The following PIGK variants were observed in gnomAD, a reference collection of about 807,000 sequenced individuals.
PIGK encodes GPI-anchor transamidase.
PIGK carries 42 observed loss-of-function variants against 50.6 expected under a neutral mutation model. That is an observed-to-expected ratio of 0.83 (90% confidence interval 0.65 to 1.07). PIGK has a LOEUF of 1.07. PIGK is among the 50% of genes least tolerant of loss of function. PIGK has a pLI of 0.00. For synonymous variants in PIGK, 151 were observed against 156.0 expected, an observed-to-expected ratio of 0.97 and a Z score of 0.24; for missense variants, 448 against 488.7, an observed-to-expected ratio of 0.92 and a Z score of 0.78.
chr1:77,143,290 T>C (rs1654696805), intron 9 of PIGK, among the ~76,000 whole-genome samples: 2 of 152,144 alleles, frequency 1.3e-5, no homozygotes, highest in Admixed American at 1.3e-4. Flanking sequence ...TGGAAACTAA[T>C]ATCTAAAAAT....
At chr1:77,173,443 T>TGTGATGCAGTTTGGCCCCCA (rs1655411268) in intron 3 of PIGK, among the ~76,000 whole-genome samples, 1 of 152,158 alleles carries the variant, frequency 6.6e-6, no homozygotes, top group Non-Finnish European at 1.5e-5. Flanking sequence ...TATTTTCCTT[T>TGTGATGCAGTTTGGCCCCCA]GTGATGCAGT....
chr1:77,169,673 G>A (rs1655316474), intron 3 of PIGK, among the ~76,000 whole-genome samples: 1 of 151,808 alleles, frequency 6.6e-6, no homozygotes, highest in African/African-American at 2.4e-5. Context: ...TAGAGAAATT[G>A]GCGCAATCTG....
At chr1:77,174,023 G>A (rs897083087) in intron 3 of PIGK, among the ~76,000 whole-genome samples, 37 of 152,188 alleles carry the variant, frequency 2.4e-4, no homozygotes, top group Admixed American at 2.3e-3. Context: ...AGACTTCTAG[G>A]AAGAGCAATG....
intron 1 of PIGK, among the ~76,000 whole-genome samples, chr1:77,214,819 T>G (rs1656514277): frequency 6.6e-6 from 1 of 152,014 alleles, no homozygotes; most frequent in Admixed American, 6.6e-5. Context: ...GACTCAAAAA[T>G]CAATAGACAA....
At chr1:77,141,911 G>T (rs1262903645) in intron 9 of PIGK, among the ~76,000 whole-genome samples, 3 of 151,808 alleles carry the variant, frequency 2.0e-5, no homozygotes, top group Non-Finnish European at 4.4e-5. Context: ...CCCAAAATTG[G>T]TATCCAACAT....
intron 9 of PIGK, among the ~76,000 whole-genome samples, chr1:77,140,775 C>G (rs1408279928): frequency 6.6e-6 from 1 of 152,070 alleles, no homozygotes. Flanking sequence ...TTAGAAGATA[C>G]GTATCAGTGT....
chr1:77,194,648 T>TGGGGGGGGGGGGGGG (rs1655989237), intron 3 of PIGK, among the ~76,000 whole-genome samples: 1 of 68,340 alleles, frequency 1.5e-5, no homozygotes, highest in Non-Finnish European at 3.0e-5. Context: ...GGGTGGAGGG[T>TGGGGGGGGGGGGGGG]GGGGGGAGGG....
chr1:77,172,070 A>ATTTTTT (rs34115617), intron 3 of PIGK, among the ~76,000 whole-genome samples: 3 of 130,920 alleles, frequency 2.3e-5, no homozygotes, highest in African/African-American at 2.9e-5. Flanking sequence ...TCTACATTTA[A>ATTTTTT]TTTTTTTTTT....
intron 9 of PIGK, among the ~76,000 whole-genome samples, chr1:77,130,582 A>C (rs1654351603): frequency 6.6e-6 from 1 of 152,138 alleles, no homozygotes; most frequent in Non-Finnish European, 1.5e-5. Context: ...ATCTGAACCA[A>C]TATCACATTA....
chr1:77,149,835 A>T (rs1039758022), intron 9 of PIGK, among the ~76,000 whole-genome samples: 6 of 152,172 alleles, frequency 3.9e-5, no homozygotes, highest in Non-Finnish European at 8.8e-5. Flanking sequence ...AGGATAGACC[A>T]TATGTTAGGT....
chr1:77,166,420 C>T (rs866982820), intron 5 of PIGK, among the ~76,000 whole-genome samples: 4 of 152,082 alleles, frequency 2.6e-5, no homozygotes, highest in African/African-American at 9.7e-5. Flanking sequence ...GACACTTTCA[C>T]AGGATGATTA....
At chr1:77,109,631 A>C (rs1046053843) in intron 10 of PIGK, among the ~76,000 whole-genome samples, 2 of 152,236 alleles carry the variant, frequency 1.3e-5, no homozygotes, top group African/African-American at 4.8e-5. Flanking sequence ...AGAGCTATTT[A>C]TGACAAACCC....
At chr1:77,206,532 T>G (rs544740970) in intron 3 of PIGK, 108 bp downstream of exon 3, 1 of 664,826 alleles carries the variant, frequency 1.5e-6, no homozygotes, top group African/African-American at 1.8e-5. Flanking sequence ...CAAATCAGAT[T>G]TTTTTTTTTA....
intron 2 of PIGK, among the ~76,000 whole-genome samples, chr1:77,209,898 T>C (rs890770615): frequency 6.6e-6 from 1 of 152,058 alleles, no homozygotes; most frequent in Non-Finnish European, 1.5e-5. Context: ...GCTTGAACAA[T>C]GCTCACCAAA....
chr1:77,090,329 A>G lies in PIGK; in HGVS notation c.*2045T>C, dbSNP rs1300845871. Reference sequence around the variant, plus strand: ...GATTTAGTTATTATGAAGGCAGAGTATGCTCTATGTAAAAAGATTATGGTT... The same window carrying G: ...GATTTAGTTATTATGAAGGCAGAGTGTGCTCTATGTAAAAAGATTATGGTT... On this transcript the variant is annotated 3_prime_UTR_variant, in exon 11 of 11. Coordinates refer to ENST00000370812, the MANE Select transcript of PIGK (RefSeq NM_005482.3). The G allele has an allele frequency of 6.6e-6, 1 of 152,236 alleles. No homozygotes were observed. Among genetic ancestry groups the G allele is most frequent in the Non-Finnish European group, 1.5e-5 (1 of 68,040 alleles). 9.4% of individuals were successfully genotyped at this position (152,236 alleles called of 1,614,324 possible).
At position 77,089,529 on chromosome 1, in the gene PIGK, AGTAACT is replaced by A. The variant is rs1194877625; in HGVS notation, c.*2839_*2844del. The A allele has an allele frequency of 6.5e-6, 1 of 152,672 alleles. No individual in the cohort carries two copies. The highest frequency in any genetic ancestry group is 1.5e-5 in the Non-Finnish European group (1 of 68,048). 9.5% of individuals were successfully genotyped at this position (152,672 alleles called of 1,614,324 possible). A position where few individuals can be genotyped will look rare whatever the true frequency, so the allele number is the denominator to read the frequency against. ...CAAAATTTCAAATTATGATTCCCAC[AGTAACT>A]GTAACTCTGGTATACAACATACATA... is the stretch of plus-strand genomic sequence containing the variant. On this transcript the variant is annotated 3_prime_UTR_variant, in exon 11 of 11. Transcript: ENST00000370812.
chr1:77,120,308 T>C (rs1452186424), intron 10 of PIGK, among the ~76,000 whole-genome samples: 1 of 152,108 alleles, frequency 6.6e-6, no homozygotes, highest in African/African-American at 2.4e-5. Flanking sequence ...TCAATCTGGA[T>C]CCCAGGCCCA....
At chr1:77,096,300 C>T (rs771988434) in intron 10 of PIGK, among the ~76,000 whole-genome samples, 1 of 152,134 alleles carries the variant, frequency 6.6e-6, no homozygotes, top group South Asian at 2.1e-4. Flanking sequence ...AAACATGGCC[C>T]TAATTACCCA....
intron 3 of PIGK, among the ~76,000 whole-genome samples, chr1:77,193,423 TAC>T (rs752047564): frequency 1.3e-5 from 2 of 152,136 alleles, no homozygotes; most frequent in African/African-American, 2.4e-5. Context: ...ACTCCATAAA[TAC>T]AGTTTTCAGG....
Sources: gnomAD v4.1 joint callset for allele counts (sites outside exome capture counted in the v4.1 genomes callset) on GRCh38, gnomAD v4.1.1 for gene constraint, MANE v1.5 for transcripts, NCBI Gene and HGNC (gene_info 2026-07-23, HGNC 2026-07-21) for gene names.